The following SNTG1 variants were observed in gnomAD, a reference collection of about 807,000 sequenced individuals.
SNTG1 encodes the protein syntrophin gamma 1.
SNTG1 carries 39 observed loss-of-function variants against 74.7 expected under a neutral mutation model. That is an observed-to-expected ratio of 0.52 (90% CI 0.40 to 0.68). The LOEUF (loss-of-function observed/expected upper bound fraction) is 0.68. Ranked by LOEUF, SNTG1 falls within the 30% of genes least tolerant of loss-of-function variation. The pLI is 0.00. For missense variants in SNTG1, 685 were observed against 609.5 expected, an observed-to-expected ratio of 1.12 and a Z score of -1.30; for synonymous variants, 254 against 217.1, an observed-to-expected ratio of 1.17 and a Z score of -1.49.
At chr8:50,145,901 C>T (rs2081845031) in intron 1 of SNTG1, among the ~76,000 whole-genome samples, 1 of 150,076 alleles carries the variant, frequency 6.7e-6, no homozygotes, top group Non-Finnish European at 1.5e-5. Context: ...TATTCAAATT[C>T]TAATAAAAAT....
At chr8:50,373,601 C>T (rs1232739699) in intron 2 of SNTG1, among the ~76,000 whole-genome samples, 1 of 152,128 alleles carries the variant, frequency 6.6e-6, no homozygotes, top group Non-Finnish European at 1.5e-5. Flanking sequence ...GTTCTGATGA[C>T]AGGGAAACAG....
At chr8:50,043,963 T>G (rs1197316722) in intron 1 of SNTG1, among the ~76,000 whole-genome samples, 3 of 152,134 alleles carry the variant, frequency 2.0e-5, no homozygotes, top group Admixed American at 6.6e-5. Context: ...ATCTCTCTGG[T>G]TTAGGGAAAA....
At chr8:50,420,523 C>A (rs1200936643) in intron 4 of SNTG1, among the ~76,000 whole-genome samples, 1 of 152,082 alleles carries the variant, frequency 6.6e-6, no homozygotes, top group East Asian at 1.9e-4. Flanking sequence ...AAAGATCTCT[C>A]TCAACAGAGA....
In SNTG1 at chr8:50,635,456, T is replaced by C. The variant is rs78195348; in HGVS notation, c.850-21453T>C. ...GCCTGGAGTCAGAAACCTTAGAAAT[T>C]TACCTGGTGCTCTACTCTACGGCAG... On this transcript the variant is annotated intron_variant, in intron 13 of 18. Coordinates refer to ENST00000642720, the MANE Select transcript of SNTG1 (RefSeq NM_018967.5). Among the ~76,000 whole-genome samples the C allele has an allele frequency of 1.3e-3, 200 of 152,176 alleles. 1 individual carries two copies. Among genetic ancestry groups the C allele is most frequent in the African/African-American group, 4.5e-3 (188 of 41,530 alleles).
chr8:50,156,689 T>C (rs2082265879), intron 1 of SNTG1, among the ~76,000 whole-genome samples: 1 of 151,944 alleles, frequency 6.6e-6, no homozygotes, highest in African/African-American at 2.4e-5. Flanking sequence ...AATCAGCCCA[T>C]TAAAAATGGG....
chr8:50,033,900 T>C (rs1475007339), intron 1 of SNTG1, among the ~76,000 whole-genome samples: 2 of 152,192 alleles, frequency 1.3e-5, no homozygotes, highest in Non-Finnish European at 2.9e-5. Flanking sequence ...TAAGAAGGTG[T>C]TCTGTAATCT....
intron 1 of SNTG1, among the ~76,000 whole-genome samples, chr8:50,014,401 G>A (rs1399154420): frequency 6.6e-6 from 1 of 152,092 alleles, no homozygotes; most frequent in Non-Finnish European, 1.5e-5. Context: ...TGTGATTTTA[G>A]TTGGGAAAAC....
intron 13 of SNTG1, among the ~76,000 whole-genome samples, 190 bp from the exon 14 acceptor site, chr8:50,656,719 T>A (rs1402179804): frequency 6.6e-6 from 1 of 152,182 alleles, no homozygotes; most frequent in Non-Finnish European, 1.5e-5. Context: ...GAGGTTTACA[T>A]TCATTTACTG....
In SNTG1 at chr8:50,590,843, GTTC is replaced by G. The variant is rs1395284058; in HGVS notation, c.811-31_811-29del. The stretch of plus-strand genomic sequence containing the variant: ...TGGGGACCTTGTGTTACCATCTATT[GTTC>G]TTCTCACTTTTATTATTTATTTATC... On this transcript the variant is annotated intron_variant, in intron 12 of 18. Transcript: ENST00000642720. The G allele has an allele frequency of 5.0e-6, 7 of 1,403,076 alleles. No homozygotes were observed. In the African/African-American group the frequency reaches 1.0e-4, roughly 20 times the overall value. 86.9% of individuals were successfully genotyped at this position (1,403,076 alleles called of 1,614,324 possible). A position where few individuals can be genotyped will look rare whatever the true frequency, so the allele number is the denominator to read the frequency against.
intron 13 of SNTG1, among the ~76,000 whole-genome samples, chr8:50,634,101 C>T (rs1321712893): frequency 6.6e-6 from 1 of 152,166 alleles, no homozygotes; most frequent in African/African-American, 2.4e-5. Context: ...GCCTCAGCAC[C>T]CACCATGCGG....
chr8:50,589,811 T>A (rs1260767149), intron 12 of SNTG1, among the ~76,000 whole-genome samples: 1 of 152,184 alleles, frequency 6.6e-6, no homozygotes, highest in Non-Finnish European at 1.5e-5. Context: ...CTATGCTGAT[T>A]TTAGCTGAAG....
At chr8:49,922,795 G>A (rs1806672651) in intron 1 of SNTG1, among the ~76,000 whole-genome samples, 1 of 152,024 alleles carries the variant, frequency 6.6e-6, no homozygotes, top group South Asian at 2.1e-4. Flanking sequence ...ACTGACCATT[G>A]CTATTTTTAT....
chr8:50,327,424 C>T (rs557607195), intron 2 of SNTG1, among the ~76,000 whole-genome samples: 70 of 152,162 alleles, frequency 4.6e-4, no homozygotes, highest in African/African-American at 1.6e-3. Flanking sequence ...TACTTTACTC[C>T]TGTTACTTTT....
At chr8:50,683,993 G>A (rs1318379491) in intron 15 of SNTG1, among the ~76,000 whole-genome samples, 4 of 152,186 alleles carry the variant, frequency 2.6e-5, no homozygotes, top group African/African-American at 9.6e-5. Flanking sequence ...TTTCAAAAAG[G>A]AAGACTGGAA....
At chr8:50,355,201 A>C (rs2091783409) in intron 2 of SNTG1, among the ~76,000 whole-genome samples, 1 of 151,988 alleles carries the variant, frequency 6.6e-6, no homozygotes, top group Admixed American at 6.6e-5. Flanking sequence ...ACTGAGAAAA[A>C]ATTAAGCCAA....
At chr8:50,500,836 C>T (rs1293585803) in intron 8 of SNTG1, among the ~76,000 whole-genome samples, 2 of 152,012 alleles carry the variant, frequency 1.3e-5, no homozygotes, top group African/African-American at 4.8e-5. Context: ...AAAAGCTTTC[C>T]CAGGTCAGTG....
chr8:50,066,812 T>C (rs1260766222), intron 1 of SNTG1, among the ~76,000 whole-genome samples: 1 of 152,226 alleles, frequency 6.6e-6, no homozygotes, highest in African/African-American at 2.4e-5. Flanking sequence ...TTTGTACCGT[T>C]ATATCTGTCG....
Position 50,794,114 on chromosome 8 carries a change from G to T in SNTG1, c.*1285G>T. The T allele has an allele frequency of 6.7e-6, 1 of 149,382 alleles. No homozygotes were observed. The allele number at this position is 149,382 out of a possible 1,614,324, so 9.3% of individuals were successfully genotyped here. A position where few individuals can be genotyped will look rare whatever the true frequency, so the allele number is the denominator to read the frequency against. On this transcript the variant is annotated 3_prime_UTR_variant, in exon 19 of 19. Coordinates refer to ENST00000642720, the MANE Select transcript of SNTG1 (RefSeq NM_018967.5). The stretch of plus-strand genomic sequence containing the variant: ...TGAGATATTTTAAAAAGTCAGCTGT[G>T]TATGTAAAAAAAAAAAAAAATTTTT...
intron 1 of SNTG1, among the ~76,000 whole-genome samples, chr8:50,064,050 T>TA (rs1465889382): frequency 6.6e-6 from 1 of 152,206 alleles, no homozygotes; most frequent in African/African-American, 2.4e-5. Flanking sequence ...TTCTCATATG[T>TA]AAAATGGTGA....
Sources: gnomAD v4.1 joint callset for allele counts (sites outside exome capture counted in the v4.1 genomes callset) on GRCh38, gnomAD v4.1.1 for gene constraint, MANE v1.5 for transcripts, NCBI Gene and HGNC (gene_info 2026-07-23, HGNC 2026-07-21) for gene names.